The following MAML3 variants were observed in gnomAD, a reference collection of about 807,000 sequenced individuals.
The protein encoded by MAML3 is mastermind-like protein 3.
Under a neutral mutation model 101.9 loss-of-function variants are expected in MAML3, and 27 were observed. That is an observed-to-expected ratio of 0.27 (90% CI 0.20 to 0.37). MAML3 has a LOEUF of 0.37. MAML3 is among the 10% of genes least tolerant of loss of function. The probability of loss-of-function intolerance (pLI) is 1.00; values close to 1 mark genes in which losing one functional copy is unlikely to be tolerated. For missense variants in MAML3, 1,316 were observed against 1,444.9 expected, an observed-to-expected ratio of 0.91 and a Z score of 1.45; for synonymous variants, 501 against 555.9, an observed-to-expected ratio of 0.90 and a Z score of 1.39.
chr4:139,946,638 T>C (rs923411701), intron 1 of MAML3, among the ~76,000 whole-genome samples: 1 of 152,162 alleles, frequency 6.6e-6, no homozygotes, highest in Non-Finnish European at 1.5e-5. Flanking sequence ...AATTTGTGCA[T>C]TGCTTAAACA....
rs79929671 is a variant in MAML3 at position 139,973,468 on chromosome 4, C to T, written c.469-82501G>A. ...TTGATTCGTTTGGGCGGGTCTACGTCGTAAAGGTTAAGTGTAGTAAGTGTA... is the reference window on the plus strand; with the variant it reads ...TTGATTCGTTTGGGCGGGTCTACGTTGTAAAGGTTAAGTGTAGTAAGTGTA... On this transcript the variant is annotated intron_variant, in intron 1 of 4. Transcript: ENST00000509479. Among the ~76,000 whole-genome samples, 134 of 152,218 alleles carry T rather than the reference C, an allele frequency of 8.8e-4. 2 individuals carry two copies. In the East Asian group the frequency reaches 0.024, roughly 27 times the overall value.
intron 2 of MAML3, among the ~76,000 whole-genome samples, chr4:139,739,533 C>T (rs1408876225): frequency 1.3e-5 from 2 of 152,032 alleles, no homozygotes; most frequent in South Asian, 2.1e-4. Context: ...CATTAGTGTA[C>T]AACAATAGAA....
intron 2 of MAML3, among the ~76,000 whole-genome samples, chr4:139,834,818 G>A (rs987251810): frequency 1.2e-4 from 18 of 152,144 alleles, no homozygotes; most frequent in Non-Finnish European, 8.8e-5. Flanking sequence ...ATTGATCAAA[G>A]GGTGACTACC....
chr4:139,828,125 A>G (rs979230789), intron 2 of MAML3, among the ~76,000 whole-genome samples: 2 of 152,256 alleles, frequency 1.3e-5, no homozygotes, highest in African/African-American at 4.8e-5. Context: ...AGGTTCCTAC[A>G]TACAATTATA....
At chr4:140,027,761 A>ATT (rs1033238145) in intron 1 of MAML3, among the ~76,000 whole-genome samples, 11 of 152,314 alleles carry the variant, frequency 7.2e-5, no homozygotes, top group Middle Eastern at 3.4e-3. Flanking sequence ...ATTCAAGTCA[A>ATT]TTTGAATTCA....
At chr4:139,855,367 TA>T (rs1410571495) in intron 2 of MAML3, among the ~76,000 whole-genome samples, 1 of 152,222 alleles carries the variant, frequency 6.6e-6, no homozygotes, top group Admixed American at 6.5e-5. Flanking sequence ...TATCAATGTA[TA>T]TATTAGAGAA....
chr4:139,954,652 T>A (rs891019307), intron 1 of MAML3, among the ~76,000 whole-genome samples: 4 of 151,966 alleles, frequency 2.6e-5, no homozygotes, highest in African/African-American at 4.8e-5. Flanking sequence ...GGAACGGGGG[T>A]GGATGCAAGA....
chr4:139,892,371 T>C (rs1471106506), intron 1 of MAML3, among the ~76,000 whole-genome samples: 1 of 152,142 alleles, frequency 6.6e-6, no homozygotes, highest in African/African-American at 2.4e-5. Flanking sequence ...ACGTCAGCAA[T>C]CACCAAGTCC....
rs1015155473 is a variant in MAML3 at position 139,975,039 on chromosome 4, C to T, written c.469-84072G>A. Among the ~76,000 whole-genome samples the T allele has an allele frequency of 1.1e-4, 17 of 152,106 alleles. No homozygotes were observed. In the South Asian group the frequency reaches 2.5e-3, roughly 22 times the overall value. Reference sequence around the variant, plus strand: ...GATTTAAGTAGGGGAAGTGATATGACGACTTGGTGACATGATCCTATTAAC... The same window carrying T: ...GATTTAAGTAGGGGAAGTGATATGATGACTTGGTGACATGATCCTATTAAC... On this transcript the variant is annotated intron_variant, in intron 1 of 4. Transcript: ENST00000509479.
intron 2 of MAML3, chr4:139,888,625 A>T: frequency 1.9e-6 from 1 of 519,034 alleles, no homozygotes; most frequent in Non-Finnish European, 3.8e-6. Flanking sequence ...GCATACCAAG[A>T]GCCCAACCTC....
chr4:139,896,222 G>T (rs977454441), intron 1 of MAML3, among the ~76,000 whole-genome samples: 3 of 152,046 alleles, frequency 2.0e-5, no homozygotes, highest in Non-Finnish European at 2.9e-5. Flanking sequence ...CTGCGCACAG[G>T]GAAATGTCCC....
intron 2 of MAML3, among the ~76,000 whole-genome samples, chr4:139,733,654 G>C (rs1403997838): frequency 6.6e-6 from 1 of 151,436 alleles, no homozygotes; most frequent in Non-Finnish European, 1.5e-5. Context: ...TCTCACTGAA[G>C]ACCTACAGGC....
intron 2 of MAML3, among the ~76,000 whole-genome samples, chr4:139,806,579 C>A (rs1450356672): frequency 6.6e-6 from 1 of 151,670 alleles, no homozygotes; most frequent in Non-Finnish European, 1.5e-5. Flanking sequence ...TAATAACTTC[C>A]AACCCAGAAA....
chr4:139,871,570 G>A (rs539019195), intron 2 of MAML3, among the ~76,000 whole-genome samples: 15 of 152,150 alleles, frequency 9.9e-5, no homozygotes, highest in East Asian at 1.9e-4. Flanking sequence ...CACTTTGATC[G>A]AGATAGTACT....
At chr4:140,039,056 T>C (rs1365747309) in intron 1 of MAML3, among the ~76,000 whole-genome samples, 11 of 151,638 alleles carry the variant, frequency 7.3e-5, no homozygotes, top group Admixed American at 7.2e-4. Context: ...GAGGTGGAGG[T>C]TGCAGTGAGT....
chr4:139,858,017 C>T (rs1339750058), intron 2 of MAML3, among the ~76,000 whole-genome samples: 1 of 152,188 alleles, frequency 6.6e-6, no homozygotes, highest in Non-Finnish European at 1.5e-5. Flanking sequence ...CCATATAATT[C>T]CATCAGGCAA....
intron 2 of MAML3, among the ~76,000 whole-genome samples, chr4:139,732,688 A>G (rs1728776524): frequency 6.6e-6 from 1 of 151,884 alleles, no homozygotes; most frequent in Non-Finnish European, 1.5e-5. Flanking sequence ...ATTTGGTTAC[A>G]TGAGTAAGCA....
intron 2 of MAML3, among the ~76,000 whole-genome samples, chr4:139,755,467 G>A (rs577652617): frequency 3.9e-4 from 60 of 152,254 alleles, no homozygotes; most frequent in African/African-American, 1.4e-3. Flanking sequence ...AATTAGCCGG[G>A]TGTGGTGGTG....
At chr4:139,854,355 G>A (rs572421850) in intron 2 of MAML3, among the ~76,000 whole-genome samples, 2 of 151,300 alleles carry the variant, frequency 1.3e-5, no homozygotes, top group East Asian at 1.9e-4. Flanking sequence ...AAATCCACAA[G>A]GTTCAAATTA....
Sources: gnomAD v4.1 joint callset for allele counts (sites outside exome capture counted in the v4.1 genomes callset) on GRCh38, gnomAD v4.1.1 for gene constraint, MANE v1.5 for transcripts, NCBI Gene and HGNC (gene_info 2026-07-23, HGNC 2026-07-21) for gene names.